Variants in PAX2 observed in about 807,000 individuals in gnomAD.
PAX2 encodes the protein paired box protein Pax-2.
A neutral mutation model predicts 41.7 loss-of-function variants in PAX2; 9 were observed. The observed-to-expected ratio is 0.22, with a 90% CI of 0.13 to 0.38. The LOEUF is 0.38. PAX2 is among the 10% of genes least tolerant of loss of function. The probability of loss-of-function intolerance (pLI) is 1.00; values close to 1 mark genes in which losing one functional copy is unlikely to be tolerated. For missense variants in PAX2, 418 were observed against 531.6 expected (o/e 0.79, Z 2.10); for synonymous variants, 221 against 212.7 (o/e 1.04, Z -0.34).
In PAX2 at chr10:100,748,724, T is replaced by C; in HGVS notation, c.44-1022T>C. ...ATCGGGAGCCCGCGCTGGAGCCGGGTTGGAAACCCCGTGCCCTTCTCTTGG... is the reference window on the plus strand; with the variant it reads ...ATCGGGAGCCCGCGCTGGAGCCGGGCTGGAAACCCCGTGCCCTTCTCTTGG... On this transcript the variant is annotated intron_variant, in intron 1 of 9. Coordinates refer to ENST00000355243, the MANE Select transcript of PAX2 (RefSeq NM_000278.5). The surrounding 1 kb of genome is among the most constrained non-coding windows in gnomAD (Gnocchi z 5.0). 59 of 985,304 alleles carry C rather than the reference T, an allele frequency of 6.0e-5. No individual in the cohort carries two copies. Among genetic ancestry groups the C allele is most frequent in the Non-Finnish European group, 7.1e-5 (59 of 829,934 alleles). The allele number at this position is 985,304 out of a possible 1,614,324, so 61.0% of individuals were successfully genotyped here.
chr10:100,778,243 CT>C (rs1203353717), intron 3 of PAX2, among the ~76,000 whole-genome samples: 1 of 152,228 alleles, frequency 6.6e-6, no homozygotes, highest in East Asian at 1.9e-4. Flanking sequence ...CTCTGTGCCT[CT>C]GATTTCAGCC....
At chr10:100,770,851 G>A (rs1846183329) in intron 3 of PAX2, among the ~76,000 whole-genome samples, 1 of 152,208 alleles carries the variant, frequency 6.6e-6, no homozygotes. Context: ...TGGAGTCAGG[G>A]TTAATAGATG....
intron 5 of PAX2, among the ~76,000 whole-genome samples, chr10:100,788,263 G>A (rs934644511): frequency 3.3e-5 from 5 of 152,220 alleles, no homozygotes; most frequent in East Asian, 3.8e-4. Flanking sequence ...GGCCGCCCGC[G>A]ATCGCCTCCT....
At chr10:100,745,400 G>A (rs1845115005), upstream of PAX2, among the ~76,000 whole-genome samples, 2 of 139,448 alleles carry the variant, frequency 1.4e-5, no homozygotes, top group African/African-American at 5.1e-5. Flanking sequence ...AGCCGGCACC[G>A]GAGTGACAGG....
chr10:100,801,846 C>T (rs1332461419), intron 5 of PAX2, among the ~76,000 whole-genome samples: 2 of 152,226 alleles, frequency 1.3e-5, no homozygotes, highest in Non-Finnish European at 2.9e-5. Context: ...CTCCGACAGA[C>T]CTGGATTCAA....
chr10:100,759,645 A>C (rs2133855381), intron 3 of PAX2, among the ~76,000 whole-genome samples: 1 of 152,320 alleles, frequency 6.6e-6, no homozygotes, highest in African/African-American at 2.4e-5. Context: ...AGAACAAGCC[A>C]GGGACAGGAC....
intron 5 of PAX2, among the ~76,000 whole-genome samples, chr10:100,802,740 C>A (rs4919495): frequency 0.068 from 10,425 of 152,192 alleles, 534 homozygotes; most frequent in African/African-American, 0.13. Context: ...GCTGCTGGGC[C>A]TGGGGGCAAA....
At chr10:100,775,707 A>G (rs982572551) in intron 3 of PAX2, among the ~76,000 whole-genome samples, 4 of 152,322 alleles carry the variant, frequency 2.6e-5, no homozygotes, top group African/African-American at 9.6e-5. Flanking sequence ...TCAGCCCTCA[A>G]GCCAGAGCCA....
At position 100,758,375 on chromosome 10, in the gene PAX2, C is replaced by T. The variant is rs538712459; in HGVS notation, c.410+7484C>T. 2.4e-3 allele frequency among the ~76,000 whole-genome samples: 370 copies of T among 152,150 alleles called. 1 individual carries two copies. The highest frequency in any genetic ancestry group is 8.1e-3 in the African/African-American group (337 of 41,526). ...CGGGATGGTCTCGATCTCCTGACCT[C>T]GTGATCCGCCCGCCTCGGCCTCCCA... On this transcript the variant is annotated intron_variant, in intron 3 of 9. Transcript: ENST00000355243.
intron 7 of PAX2, among the ~76,000 whole-genome samples, chr10:100,823,465 C>T (rs1301962790): frequency 6.6e-6 from 1 of 152,062 alleles, no homozygotes. Context: ...GAGAGAGATG[C>T]TTTGGAATAG....
upstream of PAX2, among the ~76,000 whole-genome samples, chr10:100,743,227 C>T (rs1238167426): frequency 6.6e-6 from 1 of 152,150 alleles, no homozygotes; most frequent in Non-Finnish European, 1.5e-5. Context: ...GTCTTTACTC[C>T]TCAGAAGGTG....
Position 100,745,676 on chromosome 10 carries a change from C to A in PAX2, c.-585C>A. 1.1e-6 allele frequency: 1 copy of A among 898,948 alleles called. No individual in the cohort carries two copies. Among genetic ancestry groups the A allele is most frequent in the Non-Finnish European group, 1.4e-6 (1 of 739,510 alleles). The allele number at this position is 898,948 out of a possible 1,614,324, so 55.7% of individuals were successfully genotyped here. On this transcript the variant is annotated 5_prime_UTR_variant, in exon 1 of 10. Coordinates refer to ENST00000355243, the MANE Select transcript of PAX2 (RefSeq NM_000278.5). ...GCTCCCTCCCTCCCTCCCGGCCCTTCGGCCGCGGCGGCGTGCGCCTGCCTT... is the reference window on the plus strand; with the variant it reads ...GCTCCCTCCCTCCCTCCCGGCCCTTAGGCCGCGGCGGCGTGCGCCTGCCTT...
exon 1 of PAX2, chr10:100,735,565 G>A: frequency 6.5e-6 from 4 of 612,296 alleles, no homozygotes; most frequent in Non-Finnish European, 8.6e-6. Context: ...GGGCGGCTCG[G>A]GTTATCTGAG....
At chr10:100,747,836 C>CCCAG (rs1189716986) in intron 1 of PAX2, 2 of 984,982 alleles carry the variant, frequency 2.0e-6, no homozygotes, top group Admixed American at 6.2e-5. Context: ...GCCGTTTTCG[C>CCCAG]CCAGCCAGCC....
At position 100,815,784 on chromosome 10, in the gene PAX2, G is replaced by A. The variant is rs559893118; in HGVS notation, c.919+6548G>A. Among the ~76,000 whole-genome samples the A allele has an allele frequency of 4.6e-5, 7 of 152,312 alleles. No individual in the cohort carries two copies. The South Asian group carries it at 1.5e-3, about 32-fold the overall frequency. On this transcript the variant is annotated intron_variant, in intron 7 of 9. Transcript: ENST00000355243. ...GCCATATTTGACCAGAATAAAAGCTGTGCCACCTCAATCTCAGGTCCCAAT... is the reference window on the plus strand; with the variant it reads ...GCCATATTTGACCAGAATAAAAGCTATGCCACCTCAATCTCAGGTCCCAAT...
At chr10:100,742,843 C>CCTTTTTTTT, upstream of PAX2, among the ~76,000 whole-genome samples, 1 of 41,258 alleles carries the variant, frequency 2.4e-5, no homozygotes, top group African/African-American at 1.0e-4. Context: ...TTCTTTCTTC[C>CCTTTTTTTT]TTTTTTTTTT....
upstream of PAX2, among the ~76,000 whole-genome samples, chr10:100,745,086 C>T (rs1363625916): frequency 6.6e-6 from 1 of 152,018 alleles, no homozygotes; most frequent in Non-Finnish European, 1.5e-5. Flanking sequence ...GCACTGGGCC[C>T]GGGGCCGCGC....
chr10:100,756,230 G>A (rs11190685), intron 3 of PAX2, among the ~76,000 whole-genome samples: 23,123 of 152,060 alleles, frequency 0.15, 2,206 homozygotes, highest in Middle Eastern at 0.3. Flanking sequence ...ACATGGGATA[G>A]GGGTCCTGCT....
chr10:100,789,039 G>C (rs1846993903), intron 5 of PAX2, among the ~76,000 whole-genome samples: 1 of 152,124 alleles, frequency 6.6e-6, no homozygotes, highest in African/African-American at 2.4e-5. Context: ...TCTCCTCCCA[G>C]ACCCTGGTTC....
Sources: gnomAD v4.1 joint callset for allele counts (sites outside exome capture counted in the v4.1 genomes callset) on GRCh38, gnomAD v4.1.1 for gene constraint, Gnocchi (gnomAD v3.1) non-coding constraint, MANE v1.5 for transcripts, NCBI Gene and HGNC (gene_info 2026-07-23, HGNC 2026-07-21) for gene names.